The following CADM2 variants were observed in gnomAD, a reference collection of about 807,000 sequenced individuals.
The protein encoded by CADM2 is immunoglobulin superfamily member 4D.
Under a neutral mutation model 49.8 loss-of-function variants are expected in CADM2, and 12 were observed. The observed-to-expected ratio is 0.24, with a 90% CI of 0.15 to 0.39. The LOEUF is 0.39. Ranked by LOEUF, CADM2 falls within the 10% of genes least tolerant of loss-of-function variation. The pLI is 1.00. For synonymous variants in CADM2, 214 were observed against 175.4 expected (o/e 1.22, Z -1.74); for missense variants, 378 against 492.3 (o/e 0.77, Z 2.20).
intron 1 of CADM2, among the ~76,000 whole-genome samples, chr3:85,543,982 T>C (rs1222715612): frequency 6.6e-6 from 1 of 152,210 alleles, no homozygotes; most frequent in Non-Finnish European, 1.5e-5. Flanking sequence ...TAAAACTTCA[T>C]TGGCTTCCAA....
intron 1 of CADM2, among the ~76,000 whole-genome samples, chr3:85,100,488 C>T (rs2037971239): frequency 6.6e-6 from 1 of 152,166 alleles, no homozygotes; most frequent in African/African-American, 2.4e-5. Context: ...CTAGCATTAA[C>T]TTTTTATGAG....
intron 6 of CADM2, among the ~76,000 whole-genome samples, chr3:85,935,222 C>CT (rs1721060022): frequency 6.6e-6 from 1 of 152,116 alleles, no homozygotes; most frequent in Non-Finnish European, 1.5e-5. Flanking sequence ...AAGTGACTCA[C>CT]TAACTGTACT....
At chr3:85,881,645 A>G (rs1353717540) in intron 3 of CADM2, among the ~76,000 whole-genome samples, 1 of 152,068 alleles carries the variant, frequency 6.6e-6, no homozygotes, top group Non-Finnish European at 1.5e-5. Context: ...GTCTAATTCT[A>G]CTGGGGGCCA....
At chr3:85,850,240 T>C (rs762519016) in intron 3 of CADM2, among the ~76,000 whole-genome samples, 4 of 151,684 alleles carry the variant, frequency 2.6e-5, no homozygotes, top group African/African-American at 9.7e-5. Context: ...AAACAAGTTA[T>C]GGTACATAAA....
intron 1 of CADM2, among the ~76,000 whole-genome samples, chr3:85,694,380 G>A (rs1425360231): frequency 6.6e-6 from 1 of 152,168 alleles, no homozygotes; most frequent in East Asian, 1.9e-4. Context: ...AAAAGGCCAT[G>A]TAAAACACAG....
chr3:85,296,610 C>G lies in CADM2; in HGVS notation c.61+336942C>G, dbSNP rs7649506. The stretch of plus-strand genomic sequence containing the variant: ...TAATAAATGATACCTTAGAGTCTCA[C>G]TCCTTAATCTAAATAGCTCGGTGAT... On this transcript the variant is annotated intron_variant, in intron 1 of 9. Coordinates refer to ENST00000383699, the MANE Select transcript of CADM2 (RefSeq NM_001167675.2). 7.0e-3 allele frequency among the ~76,000 whole-genome samples: 1,060 copies of G among 152,152 alleles called. 10 individuals are homozygous for G. The highest frequency in any genetic ancestry group is 0.023 in the African/African-American group (973 of 41,544).
intron 1 of CADM2, among the ~76,000 whole-genome samples, chr3:85,420,324 T>C (rs576547950): frequency 1.3e-5 from 2 of 152,354 alleles, no homozygotes; most frequent in South Asian, 2.1e-4. Context: ...TTCTGAAATA[T>C]GTGTCACAGT....
intron 4 of CADM2, 56 bp downstream of exon 4, chr3:85,883,499 T>C: frequency 7.1e-7 from 1 of 1,402,750 alleles, no homozygotes; most frequent in Admixed American, 2.0e-5. Context: ...TATATATTGC[T>C]ACAGCAACAT....
intron 1 of CADM2, among the ~76,000 whole-genome samples, chr3:85,288,787 C>CCG (rs2043700315): frequency 9.3e-6 from 1 of 107,236 alleles, no homozygotes; most frequent in Non-Finnish European, 1.8e-5. Flanking sequence ...CCAATATGCC[C>CCG]CCCCCCCCTC....
chr3:85,711,057 A>G (rs554748673), intron 1 of CADM2, among the ~76,000 whole-genome samples: 48 of 152,284 alleles, frequency 3.2e-4, no homozygotes, highest in South Asian at 2.7e-3. Context: ...TCTATAAATT[A>G]TATTTTCATG....
chr3:86,029,001 T>TTGTA (rs1734248760), intron 8 of CADM2, among the ~76,000 whole-genome samples: 1 of 152,138 alleles, frequency 6.6e-6, no homozygotes, highest in South Asian at 2.1e-4. Flanking sequence ...ATACAATGAA[T>TTGTA]TGTAAGTGCC....
intron 1 of CADM2, among the ~76,000 whole-genome samples, chr3:85,707,393 C>CTTT (rs34006416): frequency 0.013 from 1,726 of 128,604 alleles, 37 homozygotes; most frequent in African/African-American, 0.036. Context: ...ATCATTGTAT[C>CTTT]TTTTTTTTTT....
chr3:85,396,845 G>A (rs1165122818), intron 1 of CADM2, among the ~76,000 whole-genome samples: 4 of 151,926 alleles, frequency 2.6e-5, no homozygotes, highest in South Asian at 2.1e-4. Context: ...TTGGATTTGC[G>A]AATGATTGCT....
At chr3:86,040,495 C>G (rs142240336) in intron 8 of CADM2, among the ~76,000 whole-genome samples, 4,621 of 151,898 alleles carry the variant, frequency 0.03, 83 homozygotes, top group Non-Finnish European at 0.05. Context: ...GACGGAAGAT[C>G]AAATGAATTA....
At chr3:85,859,690 A>G (rs536530687) in intron 3 of CADM2, among the ~76,000 whole-genome samples, 53 of 152,326 alleles carry the variant, frequency 3.5e-4, no homozygotes, top group African/African-American at 1.3e-3. Context: ...ATACTGTCTC[A>G]GGAGTGCTTT....
intron 1 of CADM2, among the ~76,000 whole-genome samples, chr3:85,031,660 A>T (rs28465575): frequency 6.6e-6 from 1 of 151,630 alleles, no homozygotes; most frequent in Non-Finnish European, 1.5e-5. Flanking sequence ...GACTACAGGC[A>T]CACGCCACCA....
rs2034816479 is a variant in CADM2 at position 85,396,813 on chromosome 3, T to A, written c.62-329709T>A. The stretch of plus-strand genomic sequence containing the variant: ...CAAAAGAGTTATAAGCTTAAAACTT[T>A]TAGAAGAAAATTTTCATGACATTGG... On this transcript the variant is annotated intron_variant, in intron 1 of 9. Coordinates refer to ENST00000383699, the MANE Select transcript of CADM2 (RefSeq NM_001167675.2). Among the ~76,000 whole-genome samples the A allele has an allele frequency of 2.6e-5, 4 of 151,996 alleles. No homozygotes were observed. The South Asian group carries it at 8.3e-4, about 32-fold the overall frequency.
At chr3:85,722,578 TC>T (rs2067546934) in intron 1 of CADM2, among the ~76,000 whole-genome samples, 1 of 152,188 alleles carries the variant, frequency 6.6e-6, no homozygotes, top group African/African-American at 2.4e-5. Context: ...ACAAAATGTT[TC>T]CTTGACGAAT....
At chr3:85,864,578 T>G (rs2075655761) in intron 3 of CADM2, among the ~76,000 whole-genome samples, 1 of 152,244 alleles carries the variant, frequency 6.6e-6, no homozygotes, top group Non-Finnish European at 1.5e-5. Flanking sequence ...TATCTTTGTC[T>G]TTTTGAGTGA....
Sources: gnomAD v4.1 joint callset for allele counts (sites outside exome capture counted in the v4.1 genomes callset) on GRCh38, gnomAD v4.1.1 for gene constraint, MANE v1.5 for transcripts, NCBI Gene and HGNC (gene_info 2026-07-23, HGNC 2026-07-21) for gene names.